IFI16: variants seen among roughly 807,000 people sequenced by gnomAD.
The protein encoded by IFI16 is interferon gamma inducible protein 16, also known as gamma-interferon-inducible protein 16.
In IFI16, 49 loss-of-function variants were observed where a neutral mutation model predicts 68.4. The observed-to-expected ratio is 0.72, with a 90% confidence interval of 0.57 to 0.91. IFI16 has a LOEUF of 0.91. Ranked by LOEUF, IFI16 falls within the 40% of genes least tolerant of loss-of-function variation. The pLI, the probability that IFI16 is intolerant of heterozygous loss-of-function variation, is 0.00. For synonymous variants in IFI16, 307 were observed against 315.0 expected (o/e 0.97, Z 0.27); for missense variants, 878 against 942.9 (o/e 0.93, Z 0.90).
At chr1:159,048,493 G>A (rs1490212772) in intron 8 of IFI16, among the ~76,000 whole-genome samples, 1 of 151,450 alleles carries the variant, frequency 6.6e-6, no homozygotes, top group Non-Finnish European at 1.5e-5. Flanking sequence ...CACAGTAGGT[G>A]TGCAAATGTT....
At chr1:159,010,483 A>C (rs1246718123) in intron 1 of IFI16, among the ~76,000 whole-genome samples, 2 of 152,218 alleles carry the variant, frequency 1.3e-5, no homozygotes, top group East Asian at 3.8e-4. Flanking sequence ...TTTTGGCTGG[A>C]AGAAGTGTTG....
At chr1:159,016,116 G>A in intron 3 of IFI16, 129 bp downstream of exon 3, 1 of 643,842 alleles carries the variant, frequency 1.6e-6, no homozygotes, top group Non-Finnish European at 2.8e-6. Context: ...TTACCAAATT[G>A]TATGATAATT....
rs1350532858 is a variant in IFI16 at position 159,044,179 on chromosome 1, C to T, written c.1330-1118C>T. On this transcript the variant is annotated intron_variant, in intron 7 of 11. Transcript: ENST00000295809. ...CCATAAAAAAATGCTATGGCTAGTC[C>T]CATCTCACATGTGGGAAAACTGAGG... is the stretch of plus-strand genomic sequence containing the variant. Among the ~76,000 whole-genome samples the T allele has an allele frequency of 2.6e-5, 4 of 152,068 alleles. No individual in the cohort carries two copies. The East Asian group carries it at 7.7e-4, about 29-fold the overall frequency.
Position 159,053,542 on chromosome 1 carries a change from AG to A in IFI16, c.2099del (p.Gly700ValfsTer23). 1 of 1,595,226 alleles carries A rather than the reference AG, an allele frequency of 6.3e-7. No individual in the cohort carries two copies. The highest frequency in any genetic ancestry group is 8.6e-7 in the Non-Finnish European group (1 of 1,166,514). ...TAATTTTCTTTTGCAGAAAAATGTAAGGGGTGAATTCACTTATTATGAAATA... is the reference window on the plus strand; with the variant it reads ...TAATTTTCTTTTGCAGAAAAATGTAAGGGTGAATTCACTTATTATGAAATA... ...GVFEVHKKNV[R>X]GEFTYYEIQD... On this transcript the variant is annotated frameshift_variant, in exon 11 of 12. Coordinates refer to ENST00000295809, the MANE Select transcript of IFI16 (RefSeq NM_001376587.1). LOFTEE classifies it high-confidence loss of function.
chr1:159,026,028 A>G (rs533443626), intron 6 of IFI16, among the ~76,000 whole-genome samples: 28 of 152,180 alleles, frequency 1.8e-4, no homozygotes, highest in African/African-American at 2.4e-5. Context: ...CCATTGGTCT[A>G]TATGCCTATT....
chr1:159,048,783 A>T (rs1655156597), intron 8 of IFI16, among the ~76,000 whole-genome samples: 2 of 151,728 alleles, frequency 1.3e-5, no homozygotes, highest in Admixed American at 1.3e-4. Flanking sequence ...GATTTTAGAG[A>T]TATTCTCCAG....
chr1:159,013,623 C>T (rs1652723902), intron 1 of IFI16, among the ~76,000 whole-genome samples: 1 of 152,126 alleles, frequency 6.6e-6, no homozygotes, highest in Non-Finnish European at 1.5e-5. Context: ...CAGTGACACT[C>T]TGTCCATAGG....
chr1:159,008,696 G>T (rs1293180472), upstream of IFI16, among the ~76,000 whole-genome samples: 4 of 152,102 alleles, frequency 2.6e-5, no homozygotes, highest in African/African-American at 4.8e-5. Flanking sequence ...GTACCCTAAA[G>T]CCAGTAAAAG....
intron 4 of IFI16, among the ~76,000 whole-genome samples, chr1:159,017,899 C>G (rs1292256080): frequency 6.6e-6 from 1 of 152,210 alleles, no homozygotes; most frequent in East Asian, 1.9e-4. Context: ...TGAGCCACCG[C>G]GCCTGGCCCT....
At chr1:159,005,046 T>G (rs1330576797), upstream of IFI16, among the ~76,000 whole-genome samples, 1 of 152,128 alleles carries the variant, frequency 6.6e-6, no homozygotes, top group Non-Finnish European at 1.5e-5. Context: ...GGTATTTAGA[T>G]CATGAGAATT....
At chr1:159,018,155 T>A (rs1163310560) in intron 4 of IFI16, 74 bp from the exon 5 acceptor site, 1 of 1,302,322 alleles carries the variant, frequency 7.7e-7, no homozygotes, top group Non-Finnish European at 1.1e-6. Flanking sequence ...TGTGTTATAC[T>A]GAGGTCACTG....
intron 7 of IFI16, among the ~76,000 whole-genome samples, chr1:159,035,449 A>G (rs1344258626): frequency 6.6e-6 from 1 of 152,242 alleles, no homozygotes; most frequent in Non-Finnish European, 1.5e-5. Context: ...CTGCTAAAAT[A>G]TGAATCACAA....
intron 4 of IFI16, among the ~76,000 whole-genome samples, chr1:159,017,382 C>T (rs1002137772): frequency 6.6e-6 from 1 of 152,066 alleles, no homozygotes; most frequent in African/African-American, 2.4e-5. Context: ...GAAATGTGCT[C>T]TTTAAATTGC....
At chr1:159,040,010 A>T (rs1343666173) in intron 7 of IFI16, among the ~76,000 whole-genome samples, 1 of 152,222 alleles carries the variant, frequency 6.6e-6, no homozygotes, top group African/African-American at 2.4e-5. Context: ...ACCTGAAAAC[A>T]TGCATACTTT....
At chr1:159,048,928 C>T (rs1280042112) in intron 8 of IFI16, among the ~76,000 whole-genome samples, 2 of 151,312 alleles carry the variant, frequency 1.3e-5, no homozygotes, top group Non-Finnish European at 3.0e-5. Flanking sequence ...TAGAACCTTC[C>T]CTGAGGAATT....
chr1:159,027,692 A>G (rs1653758313), intron 6 of IFI16, among the ~76,000 whole-genome samples: 1 of 151,954 alleles, frequency 6.6e-6, no homozygotes, highest in Admixed American at 6.6e-5. Context: ...ATTTTTTATT[A>G]CCATTTCAAT....
chr1:159,045,251 A>G, intron 7 of IFI16, 46 bp from the exon 8 acceptor site: 12 of 935,242 alleles, frequency 1.3e-5, no homozygotes, highest in East Asian at 2.6e-5. Context: ...TCTGATCTTG[A>G]AAAACATTAA....
chr1:159,008,533 A>G (rs190629009), upstream of IFI16, among the ~76,000 whole-genome samples: 17 of 152,314 alleles, frequency 1.1e-4, no homozygotes, highest in Non-Finnish European at 7.4e-5. Context: ...TGCATATAAA[A>G]TGATTATAAG....
chr1:159,002,730 C>T (rs1652105084), upstream of IFI16, among the ~76,000 whole-genome samples: 1 of 152,212 alleles, frequency 6.6e-6, no homozygotes, highest in African/African-American at 2.4e-5. Flanking sequence ...TATTGCTGTA[C>T]TCCTACCACC....
Sources: gnomAD v4.1 joint callset for allele counts (sites outside exome capture counted in the v4.1 genomes callset) on GRCh38, gnomAD v4.1.1 for gene constraint, MANE v1.5 for transcripts, NCBI Gene and HGNC (gene_info 2026-07-23, HGNC 2026-07-21) for gene names.